INO80: variants seen among roughly 807,000 people sequenced by gnomAD.
The protein encoded by INO80 is INO80 complex ATPase subunit.
A neutral mutation model predicts 203.4 loss-of-function variants in INO80; 20 were observed. The ratio of observed to expected loss-of-function variants is 0.10; its 90% confidence interval spans 0.07 to 0.14. The LOEUF (loss-of-function observed/expected upper bound fraction) is 0.14, where lower values mean the gene tolerates loss of function less well. INO80 is among the 10% of genes least tolerant of loss of function. The pLI is 1.00. For missense variants in INO80, 1,419 were observed against 1,914.4 expected, an observed-to-expected ratio of 0.74 and a Z score of 4.83; for synonymous variants, 726 against 685.2, an observed-to-expected ratio of 1.06 and a Z score of -0.93.
chr15:41,017,103 A>C (rs1566912406), intron 26 of INO80: 1 of 152,186 alleles, frequency 6.6e-6, no homozygotes, highest in Non-Finnish European at 1.5e-5. Context: ...AGGGCTTTTC[A>C]GAAAGACTGA....
In INO80 at chr15:41,048,722, G is replaced by A. The variant is rs566510477; in HGVS notation, c.2577-446C>T. ...CTATAAAACAGCTTTCTAAATCCAT[G>A]GTTCTCAAATGTTGATATGCAGAAA... On this transcript the variant is annotated intron_variant, in intron 21 of 35. Transcript: ENST00000648947. 2.0e-5 allele frequency among the ~76,000 whole-genome samples: 3 copies of A among 152,184 alleles called. No individual in the cohort carries two copies. The South Asian group carries it at 6.2e-4, about 32-fold the overall frequency.
At chr15:41,054,107 C>G (rs1019851948) in intron 18 of INO80, 93 bp from the exon 19 acceptor site, 4 of 940,148 alleles carry the variant, frequency 4.3e-6, no homozygotes, top group Non-Finnish European at 6.5e-6. Context: ...CCAAACTCTT[C>G]AAAACTCCTT....
chr15:41,058,588 T>A, intron 16 of INO80, 51 bp downstream of exon 16: 1 of 1,440,640 alleles, frequency 6.9e-7, no homozygotes, highest in Non-Finnish European at 9.7e-7. Flanking sequence ...TGTGTGTGTG[T>A]GTGTGTACTT....
At chr15:41,029,871 G>A (rs76901103) in intron 24 of INO80, among the ~76,000 whole-genome samples, 2,658 of 152,314 alleles carry the variant, frequency 0.017, 40 homozygotes, top group Non-Finnish European at 0.028. Flanking sequence ...AGCCCATCTT[G>A]CTCCCTCACT....
At chr15:41,078,727 G>C (rs1246210253) in intron 9 of INO80, among the ~76,000 whole-genome samples, 1 of 139,748 alleles carries the variant, frequency 7.2e-6, no homozygotes, top group African/African-American at 2.9e-5. Context: ...CATCTCAGCT[G>C]GTTTATCAAT....
chr15:40,991,874 C>T (rs531086539), intron 29 of INO80, among the ~76,000 whole-genome samples: 70 of 152,078 alleles, frequency 4.6e-4, no homozygotes, highest in African/African-American at 1.6e-3. Flanking sequence ...CCCGAGTTCA[C>T]GCCATTCTCC....
At chr15:41,043,154 T>A (rs2044697821) in intron 24 of INO80, among the ~76,000 whole-genome samples, 1 of 152,084 alleles carries the variant, frequency 6.6e-6, no homozygotes, top group Non-Finnish European at 1.5e-5. Flanking sequence ...CAGAGAAGAA[T>A]ACAAATGAGT....
At chr15:41,050,241 T>G in intron 19 of INO80, 139 bp from the exon 20 acceptor site, 1 of 576,298 alleles carries the variant, frequency 1.7e-6, no homozygotes, top group East Asian at 2.8e-5. Flanking sequence ...TATAAACCTG[T>G]GAATGTGGAC....
intron 14 of INO80, among the ~76,000 whole-genome samples, chr15:41,068,345 G>A (rs1311217564): frequency 1.3e-4 from 19 of 151,686 alleles, no homozygotes; most frequent in Admixed American, 1.2e-3. Flanking sequence ...ACCTGAGGTC[G>A]GGAGTTCGAG....
intron 25 of INO80, among the ~76,000 whole-genome samples, chr15:41,026,953 C>T (rs1029521409): frequency 4.6e-5 from 7 of 152,218 alleles, no homozygotes; most frequent in African/African-American, 1.7e-4. Flanking sequence ...AGGAAGGATG[C>T]AGACAACTGC....
chr15:41,103,161 C>T (rs1166108886), intron 1 of INO80, among the ~76,000 whole-genome samples: 2 of 151,968 alleles, frequency 1.3e-5, no homozygotes, highest in African/African-American at 4.8e-5. Context: ...TTTTTTACAC[C>T]CCCTTCTACT....
intron 4 of INO80, among the ~76,000 whole-genome samples, chr15:41,095,314 T>G (rs1271946809): frequency 1.3e-5 from 2 of 152,186 alleles, no homozygotes; most frequent in South Asian, 2.1e-4. Context: ...GCACTCCAGC[T>G]TGGGCAACAA....
intron 1 of INO80, among the ~76,000 whole-genome samples, chr15:41,114,037 G>A (rs532563897): frequency 6.6e-6 from 1 of 152,172 alleles, no homozygotes; most frequent in African/African-American, 2.4e-5. Flanking sequence ...GGGAGGCCAA[G>A]GTAGGTGGAT....
In INO80 at chr15:41,055,250, C is replaced by T. The variant is rs1336601411; in HGVS notation, c.2185G>A (p.Glu729Lys). 2 of 1,586,782 alleles carry T rather than the reference C, an allele frequency of 1.3e-6. No homozygotes were observed. The highest frequency in any genetic ancestry group is 1.7e-6 in the Non-Finnish European group (2 of 1,155,908). Residue 729 changes from glutamate to lysine, a missense_variant, in exon 18 of 36, where the codon GAG becomes AAG. Transcript: ENST00000648947. ...GCCAGCTCATAACAGTACTCACTCT[C>T]ATCAATAGCAGATTTGTTTTCGGCA... ...SHAENKSAID[E>K]NQLSRLHMIL...
chr15:41,111,273 C>T (rs2045954410), intron 1 of INO80, among the ~76,000 whole-genome samples: 1 of 152,060 alleles, frequency 6.6e-6, no homozygotes. Context: ...TGGTGAAACC[C>T]CATCTCTACT....
chr15:41,029,786 T>G (rs2044432108), intron 24 of INO80, among the ~76,000 whole-genome samples: 1 of 152,210 alleles, frequency 6.6e-6, no homozygotes, highest in Non-Finnish European at 1.5e-5. Flanking sequence ...ACTGAATAAT[T>G]AGGAGGAAAA....
At chr15:41,089,433 G>A (rs1357415920) in intron 5 of INO80, among the ~76,000 whole-genome samples, 1 of 152,116 alleles carries the variant, frequency 6.6e-6, no homozygotes, top group Admixed American at 6.6e-5. Flanking sequence ...TGCTCATTAT[G>A]TACAACGTTC....
At chr15:41,016,011 T>G (rs1431380372) in intron 27 of INO80, 77 bp downstream of exon 27, 1 of 1,177,378 alleles carries the variant, frequency 8.5e-7, no homozygotes. Flanking sequence ...TAAGCAGGAC[T>G]AACATTAGTC....
At chr15:40,999,924 C>G (rs1365750430) in intron 28 of INO80, among the ~76,000 whole-genome samples, 2 of 152,018 alleles carry the variant, frequency 1.3e-5, no homozygotes, top group Non-Finnish European at 2.9e-5. Context: ...GACCCTGCAT[C>G]TACATAAAAT....
Sources: gnomAD v4.1 joint callset for allele counts (sites outside exome capture counted in the v4.1 genomes callset) on GRCh38, gnomAD v4.1.1 for gene constraint, MANE v1.5 for transcripts, NCBI Gene and HGNC (gene_info 2026-07-23, HGNC 2026-07-21) for gene names.